Variants in SHISA6 observed in about 807,000 individuals in gnomAD.
The protein encoded by SHISA6 is shisa family member 6, also known as protein shisa-6.
A neutral mutation model predicts 47.9 loss-of-function variants in SHISA6; 22 were observed. The ratio of observed to expected loss-of-function variants is 0.46; its 90% CI spans 0.33 to 0.66. The LOEUF (loss-of-function observed/expected upper bound fraction) is 0.66, where lower values mean the gene tolerates loss of function less well. Among genes scored for constraint, SHISA6 ranks in the 30% least tolerant of loss-of-function variants. The pLI is 0.02. For missense variants in SHISA6, 680 were observed against 764.6 expected, an observed-to-expected ratio of 0.89 and a Z score of 1.30; for synonymous variants, 388 against 337.8, an observed-to-expected ratio of 1.15 and a Z score of -1.63.
chr17:11,342,307 TC>T (rs750944879), intron 2 of SHISA6, among the ~76,000 whole-genome samples: 3 of 151,720 alleles, frequency 2.0e-5, no homozygotes, highest in Non-Finnish European at 4.4e-5. Context: ...GGAAGAAACA[TC>T]CATTACCTAG....
At chr17:11,347,056 T>C (rs553249057) in intron 2 of SHISA6, among the ~76,000 whole-genome samples, 33 of 152,326 alleles carry the variant, frequency 2.2e-4, no homozygotes, top group Non-Finnish European at 4.0e-4. Flanking sequence ...AAAGTTCCTG[T>C]TGATGAACAT....
chr17:11,433,767 C>T (rs1318250038), intron 3 of SHISA6, among the ~76,000 whole-genome samples: 7 of 152,124 alleles, frequency 4.6e-5, no homozygotes, highest in Non-Finnish European at 2.9e-5. Context: ...GTAAGAGAGA[C>T]CTGATGGATT....
intron 1 of SHISA6, among the ~76,000 whole-genome samples, chr17:11,259,872 G>A (rs1908158839): frequency 6.6e-6 from 1 of 152,150 alleles, no homozygotes; most frequent in South Asian, 2.1e-4. Context: ...ACAGAAGGAT[G>A]CCCGGGCTCA....
At chr17:11,370,644 C>G (rs972688445) in intron 2 of SHISA6, among the ~76,000 whole-genome samples, 8 of 152,132 alleles carry the variant, frequency 5.3e-5, no homozygotes, top group African/African-American at 1.9e-4. Flanking sequence ...GCTTCCGTAT[C>G]TGATGAGATC....
chr17:11,544,750 G>A (rs549471845), intron 3 of SHISA6, among the ~76,000 whole-genome samples: 1 of 152,164 alleles, frequency 6.6e-6, no homozygotes, highest in South Asian at 2.1e-4. Context: ...CACGAGGTCA[G>A]GAGATTGCGA....
At chr17:11,529,757 G>A (rs1435578610) in intron 3 of SHISA6, among the ~76,000 whole-genome samples, 1 of 152,154 alleles carries the variant, frequency 6.6e-6, no homozygotes, top group East Asian at 1.9e-4. Flanking sequence ...GGGGGAAAAT[G>A]TTATGATGTG....
chr17:11,487,003 A>G (rs1724952716), intron 3 of SHISA6, among the ~76,000 whole-genome samples: 2 of 152,210 alleles, frequency 1.3e-5, no homozygotes, highest in Admixed American at 6.5e-5. Flanking sequence ...TCATTCATGT[A>G]TGTGTTGTCC....
intron 3 of SHISA6, among the ~76,000 whole-genome samples, chr17:11,491,768 G>GTTTTTTTT (rs768280409): frequency 5.6e-5 from 6 of 107,936 alleles, no homozygotes; most frequent in South Asian, 3.6e-4. Context: ...AGCTGGTGAA[G>GTTTTTTTT]TGTTTTTTTT....
intron 3 of SHISA6, among the ~76,000 whole-genome samples, chr17:11,447,400 A>T (rs1287182643): frequency 1.3e-5 from 2 of 152,222 alleles, no homozygotes; most frequent in African/African-American, 4.8e-5. Flanking sequence ...TGAGTGGTTG[A>T]ACATTTTAGC....
At chr17:11,332,183 G>T (rs1034465824) in intron 2 of SHISA6, among the ~76,000 whole-genome samples, 2 of 151,844 alleles carry the variant, frequency 1.3e-5, no homozygotes, top group African/African-American at 2.4e-5. Flanking sequence ...ACAAGTGAGC[G>T]TCCTAATTAA....
chr17:11,301,889 G>A (rs779217154), intron 2 of SHISA6, among the ~76,000 whole-genome samples: 66 of 152,266 alleles, frequency 4.3e-4, no homozygotes, highest in Non-Finnish European at 8.1e-4. Context: ...CCAGAGACTG[G>A]GAAGAGAAAG....
chr17:11,529,886 T>C (rs1047895197), intron 3 of SHISA6, among the ~76,000 whole-genome samples: 3 of 152,084 alleles, frequency 2.0e-5, no homozygotes, highest in Non-Finnish European at 4.4e-5. Context: ...TATTCAAACG[T>C]ATATCAAACT....
intron 3 of SHISA6, among the ~76,000 whole-genome samples, chr17:11,532,613 C>T (rs1349238864): frequency 6.6e-6 from 1 of 152,126 alleles, no homozygotes; most frequent in Non-Finnish European, 1.5e-5. Context: ...ATACACAATT[C>T]TCAGATCAAG....
At chr17:11,540,936 A>G (rs1191488621) in intron 3 of SHISA6, among the ~76,000 whole-genome samples, 2 of 152,212 alleles carry the variant, frequency 1.3e-5, no homozygotes, top group Admixed American at 1.3e-4. Flanking sequence ...CGGAGCACAG[A>G]GAGACTTTGT....
At chr17:11,376,320 TG>T (rs774152016) in intron 2 of SHISA6, among the ~76,000 whole-genome samples, 5,507 of 91,448 alleles carry the variant, frequency 0.06, 178 homozygotes, top group Admixed American at 0.2. Context: ...TGTTTTTTTT[TG>T]TTTGTTTTTT....
At chr17:11,300,101 C>T (rs542419667) in intron 2 of SHISA6, among the ~76,000 whole-genome samples, 18 of 147,080 alleles carry the variant, frequency 1.2e-4, no homozygotes, top group Middle Eastern at 3.6e-3. Flanking sequence ...GCTGAGATCA[C>T]GCCACTGCAC....
rs1324800572 is a variant in SHISA6, at chr17:11,254,493, C to T, written c.639-8873C>T. Among the ~76,000 whole-genome samples, 4 of 152,202 alleles carry T rather than the reference C, an allele frequency of 2.6e-5. No homozygotes were observed. In the East Asian group the frequency reaches 7.7e-4, roughly 29 times the overall value. ...CTTGTGAGGATGCTGCTTTTAGCATCTTCGACTCATAGGATCTCTTGGTAG... is the reference window on the plus strand; with the variant it reads ...CTTGTGAGGATGCTGCTTTTAGCATTTTCGACTCATAGGATCTCTTGGTAG... On this transcript the variant is annotated intron_variant, in intron 1 of 5. Transcript: ENST00000441885.
chr17:11,449,972 C>T (rs147967484), intron 3 of SHISA6, among the ~76,000 whole-genome samples: 1,569 of 152,318 alleles, frequency 0.01, 24 homozygotes, highest in African/African-American at 0.034. Context: ...GCAAGCTCCG[C>T]CTCCTGGGTT....
intron 3 of SHISA6, among the ~76,000 whole-genome samples, chr17:11,411,882 G>T (rs1459677882): frequency 1.3e-5 from 2 of 152,138 alleles, no homozygotes; most frequent in African/African-American, 2.4e-5. Context: ...GATTCTAATA[G>T]GTGTGTTCAA....
Sources: gnomAD v4.1 joint callset for allele counts (sites outside exome capture counted in the v4.1 genomes callset) on GRCh38, gnomAD v4.1.1 for gene constraint, MANE v1.5 for transcripts, NCBI Gene and HGNC (gene_info 2026-07-23, HGNC 2026-07-21) for gene names.